Variants in GPATCH2 observed in about 807,000 individuals in gnomAD.
GPATCH2 encodes G-patch domain containing 2, also known as G patch domain-containing protein 2.
In GPATCH2, 51 loss-of-function variants were observed where a neutral mutation model predicts 58.0. The ratio of observed to expected loss-of-function variants is 0.88; its 90% confidence interval spans 0.70 to 1.11. GPATCH2 has a LOEUF of 1.11. Among genes scored for constraint, GPATCH2 ranks in the 50% most tolerant of loss-of-function variants. The pLI is 0.00. For missense variants in GPATCH2, 625 were observed against 652.2 expected, an observed-to-expected ratio of 0.96 and a Z score of 0.45; for synonymous variants, 222 against 218.5, an observed-to-expected ratio of 1.02 and a Z score of -0.14.
intron 5 of GPATCH2, among the ~76,000 whole-genome samples, chr1:217,537,950 TAC>T (rs779429055): frequency 1.3e-5 from 2 of 152,206 alleles, no homozygotes; most frequent in Non-Finnish European, 2.9e-5. Context: ...GGTTTTTAAT[TAC>T]ACAGACTTTA....
At chr1:217,443,219 T>C (rs976046466) in intron 9 of GPATCH2, among the ~76,000 whole-genome samples, 16 of 152,328 alleles carry the variant, frequency 1.1e-4, no homozygotes, top group Non-Finnish European at 8.8e-5. Context: ...TGTTTTCTTC[T>C]ACAAGAGGTA....
At position 217,506,257 on chromosome 1, in the gene GPATCH2, T is replaced by C. The variant is rs573222901; in HGVS notation, c.1167-7862A>G. On this transcript the variant is annotated intron_variant, in intron 6 of 9. Coordinates refer to ENST00000366935, the MANE Select transcript of GPATCH2 (RefSeq NM_018040.5). ...TCTAAGTGGATTATCACTAAATATA[T>C]GAATTAACTTTGGAAATGGTATACA... Among the ~76,000 whole-genome samples, 5 of 152,292 alleles carry C rather than the reference T, an allele frequency of 3.3e-5. No homozygotes were observed. The East Asian group carries it at 7.7e-4, about 24-fold the overall frequency.
chr1:217,480,344 A>T (rs891196001), intron 8 of GPATCH2, among the ~76,000 whole-genome samples: 7 of 152,216 alleles, frequency 4.6e-5, no homozygotes, highest in African/African-American at 1.7e-4. Context: ...ATTTGAATAG[A>T]CATTTCTCAA....
chr1:217,557,445 T>A (rs1399519124), intron 5 of GPATCH2, among the ~76,000 whole-genome samples: 1 of 151,972 alleles, frequency 6.6e-6, no homozygotes, highest in Non-Finnish European at 1.5e-5. Context: ...CCGTTCATTT[T>A]AATGTGGTTT....
At chr1:217,626,375 G>A (rs539490374) in intron 1 of GPATCH2, among the ~76,000 whole-genome samples, 4 of 152,180 alleles carry the variant, frequency 2.6e-5, no homozygotes, top group East Asian at 1.9e-4. Context: ...GTACTTATAC[G>A]CCTCCATTAT....
intron 6 of GPATCH2, among the ~76,000 whole-genome samples, chr1:217,499,382 T>C (rs925734823): frequency 6.6e-6 from 1 of 152,242 alleles, no homozygotes; most frequent in South Asian, 2.1e-4. Flanking sequence ...CTTACTTGCA[T>C]AAGGTGTGTT....
chr1:217,447,269 T>C (rs890887344), intron 9 of GPATCH2, among the ~76,000 whole-genome samples: 2 of 152,198 alleles, frequency 1.3e-5, no homozygotes, highest in Non-Finnish European at 2.9e-5. Context: ...TTAAGGCATA[T>C]AGTAGTGCGT....
chr1:217,482,436 T>C (rs1213776030), intron 8 of GPATCH2, among the ~76,000 whole-genome samples: 1 of 151,966 alleles, frequency 6.6e-6, no homozygotes, highest in African/African-American at 2.4e-5. Context: ...GAGAAAGCCA[T>C]ATGGGTACTT....
At chr1:217,587,912 G>A (rs552522799) in intron 5 of GPATCH2, among the ~76,000 whole-genome samples, 1 of 152,232 alleles carries the variant, frequency 6.6e-6, no homozygotes, top group East Asian at 1.9e-4. Context: ...AGTAAATGAT[G>A]AAGCTAAGAA....
intron 9 of GPATCH2, 91 bp downstream of exon 9, chr1:217,449,158 A>G: frequency 1.3e-6 from 1 of 758,868 alleles, no homozygotes; most frequent in Non-Finnish European, 2.4e-6. Flanking sequence ...CTTCTTCTTC[A>G]TTGCAAGTGA....
rs1015150345 is a variant in GPATCH2, at chr1:217,427,048, C to A, written c.*4097G>T. 6.6e-6 allele frequency: 1 copy of A among 151,668 alleles called. No homozygotes were observed. The highest frequency in any genetic ancestry group is 1.5e-5 in the Non-Finnish European group (1 of 67,936). The allele number at this position is 151,668 out of a possible 1,614,324, so 9.4% of individuals were successfully genotyped here. On this transcript the variant is annotated 3_prime_UTR_variant, in exon 10 of 10. Transcript: ENST00000366935. ...ATAGTGAAATGCCTCTTACAGCAAA[C>A]AAAACTCAACACTTCAATGCATATT...
At chr1:217,518,534 A>G (rs1663290467) in intron 5 of GPATCH2, among the ~76,000 whole-genome samples, 1 of 152,214 alleles carries the variant, frequency 6.6e-6, no homozygotes, top group Non-Finnish European at 1.5e-5. Context: ...AACCCAATGC[A>G]TGCCATACTA....
intron 8 of GPATCH2, among the ~76,000 whole-genome samples, 187 bp from the exon 9 acceptor site, chr1:217,449,524 G>A (rs1659561476): frequency 2.0e-5 from 3 of 152,216 alleles, no homozygotes; most frequent in South Asian, 4.1e-4. Flanking sequence ...AGCTAAATGC[G>A]CCATCATAAA....
At chr1:217,571,715 A>C (rs1487837485) in intron 5 of GPATCH2, among the ~76,000 whole-genome samples, 5 of 148,644 alleles carry the variant, frequency 3.4e-5, no homozygotes, top group African/African-American at 7.4e-5. Context: ...AAAAAAAAAA[A>C]AAAAACAAAA....
chr1:217,447,202 AT>A (rs1659431779), intron 9 of GPATCH2, among the ~76,000 whole-genome samples: 1 of 152,220 alleles, frequency 6.6e-6, no homozygotes, highest in African/African-American at 2.4e-5. Context: ...TATTAGAAAT[AT>A]TTCATGAATA....
At chr1:217,568,068 G>C (rs929396638) in intron 5 of GPATCH2, among the ~76,000 whole-genome samples, 1 of 152,162 alleles carries the variant, frequency 6.6e-6, no homozygotes, top group Admixed American at 6.5e-5. Flanking sequence ...AGTGAGCCGA[G>C]ATCGTGCCAC....
rs1233939607 is a variant in GPATCH2, at chr1:217,581,345, C to T, written c.1098+28976G>A. 2.6e-5 allele frequency among the ~76,000 whole-genome samples: 4 copies of T among 152,074 alleles called. No individual in the cohort carries two copies. In the South Asian group the frequency reaches 6.2e-4, roughly 24 times the overall value. ...AGCACAAGACCTTACAAGAAAAGGC[C>T]CTTAATAAAAGACAAGTTGGAAGAC... On this transcript the variant is annotated intron_variant, in intron 5 of 9. Transcript: ENST00000366935.
intron 5 of GPATCH2, among the ~76,000 whole-genome samples, chr1:217,568,255 A>G (rs1430963116): frequency 1.3e-5 from 2 of 152,260 alleles, no homozygotes; most frequent in African/African-American, 4.8e-5. Flanking sequence ...TTATTAATAT[A>G]TACTTATATA....
chr1:217,508,412 T>C (rs2102567319), intron 6 of GPATCH2, among the ~76,000 whole-genome samples: 1 of 152,328 alleles, frequency 6.6e-6, no homozygotes, highest in East Asian at 1.9e-4. Flanking sequence ...CATGTGCATT[T>C]AAAATAAGTT....
Sources: allele counts gnomAD v4.1 joint callset (sites outside exome capture counted in the v4.1 genomes callset), GRCh38; gene constraint gnomAD v4.1.1; transcripts MANE v1.5; gene names NCBI Gene and HGNC (gene_info 2026-07-23, HGNC 2026-07-21).